Variants in ATP8A1 observed in about 807,000 individuals in gnomAD.
ATP8A1 encodes phospholipid-transporting ATPase IA.
In ATP8A1, 90 loss-of-function variants were observed where a neutral mutation model predicts 177.7. That is an observed-to-expected ratio of 0.51 (90% CI 0.43 to 0.60). ATP8A1 has a LOEUF of 0.60. Ranked by LOEUF, ATP8A1 falls within the 20% of genes least tolerant of loss-of-function variation. ATP8A1 has a pLI of 0.00. For synonymous variants in ATP8A1, 493 were observed against 485.9 expected, an observed-to-expected ratio of 1.01 and a Z score of -0.19; for missense variants, 1,072 against 1,392.8, an observed-to-expected ratio of 0.77 and a Z score of 3.67.
At chr4:42,451,418 C>T (rs1219993045) in intron 30 of ATP8A1, among the ~76,000 whole-genome samples, 1 of 152,168 alleles carries the variant, frequency 6.6e-6, no homozygotes, top group Admixed American at 6.5e-5. Flanking sequence ...GATCTCTTTT[C>T]TAAAGTAGCT....
At chr4:42,443,928 T>G (rs1358407222) in intron 32 of ATP8A1, among the ~76,000 whole-genome samples, 1 of 152,208 alleles carries the variant, frequency 6.6e-6, no homozygotes, top group African/African-American at 2.4e-5. Context: ...TTTCTCCTCT[T>G]ACGCTTACCT....
intron 27 of ATP8A1, among the ~76,000 whole-genome samples, chr4:42,462,548 T>C (rs1719286512): frequency 2.0e-5 from 3 of 152,180 alleles, no homozygotes; most frequent in South Asian, 4.1e-4. Flanking sequence ...TTTCTGAAGA[T>C]GTATGGAAAT....
intron 20 of ATP8A1, among the ~76,000 whole-genome samples, chr4:42,530,357 G>T (rs1007820175): frequency 1.3e-5 from 2 of 152,206 alleles, no homozygotes; most frequent in Non-Finnish European, 2.9e-5. Context: ...ATCATGAAAA[G>T]GGCAGAGGTT....
At chr4:42,635,396 TA>T (rs1739169709) in intron 1 of ATP8A1, among the ~76,000 whole-genome samples, 1 of 152,130 alleles carries the variant, frequency 6.6e-6, no homozygotes, top group South Asian at 2.1e-4. Context: ...TGCAATTATA[TA>T]ACCTTTCACT....
intron 23 of ATP8A1, among the ~76,000 whole-genome samples, chr4:42,504,878 C>G (rs1724213775): frequency 6.6e-6 from 1 of 152,358 alleles, no homozygotes; most frequent in East Asian, 1.9e-4. Flanking sequence ...TCTTCTGCTA[C>G]TATTCTTTCT....
chr4:42,422,338 C>G (rs776945925), intron 35 of ATP8A1, among the ~76,000 whole-genome samples: 5 of 152,146 alleles, frequency 3.3e-5, no homozygotes, highest in Admixed American at 6.5e-5. Flanking sequence ...TATCTGCCCG[C>G]CTCGGCCTCC....
chr4:42,555,352 T>G (rs1730105060), intron 16 of ATP8A1, among the ~76,000 whole-genome samples: 1 of 152,114 alleles, frequency 6.6e-6, no homozygotes. Context: ...TTTCGATAAC[T>G]TATTTCTAAA....
intron 27 of ATP8A1, among the ~76,000 whole-genome samples, chr4:42,461,549 T>C: frequency 6.6e-6 from 1 of 152,166 alleles, no homozygotes; most frequent in East Asian, 1.9e-4. Context: ...CCATCATGAT[T>C]GTGAGGCATC....
chr4:42,466,406 G>A (rs1719771365), intron 25 of ATP8A1, among the ~76,000 whole-genome samples: 1 of 152,058 alleles, frequency 6.6e-6, no homozygotes, highest in African/African-American at 2.4e-5. Context: ...CATTCCATAG[G>A]AAAAATTTTT....
chr4:42,517,945 G>A (rs1578092118), intron 22 of ATP8A1, among the ~76,000 whole-genome samples: 1 of 152,172 alleles, frequency 6.6e-6, no homozygotes, highest in East Asian at 1.9e-4. Context: ...TTCCCCAAGA[G>A]TGAAGGCAGC....
intron 27 of ATP8A1, among the ~76,000 whole-genome samples, chr4:42,456,662 A>T (rs1389639026): frequency 6.6e-6 from 1 of 152,188 alleles, no homozygotes; most frequent in African/African-American, 2.4e-5. Flanking sequence ...AAAATCAAAT[A>T]TCAAATGGAT....
chr4:42,419,714 T>G (rs1445902755), intron 35 of ATP8A1, among the ~76,000 whole-genome samples: 3 of 152,156 alleles, frequency 2.0e-5, no homozygotes, highest in Non-Finnish European at 1.5e-5. Flanking sequence ...TAAAATTTGC[T>G]AAGTTTTGGC....
At chr4:42,445,842 G>A (rs1007945085) in intron 31 of ATP8A1, among the ~76,000 whole-genome samples, 1 of 152,122 alleles carries the variant, frequency 6.6e-6, no homozygotes, top group Admixed American at 6.5e-5. Flanking sequence ...CACTTTGGGA[G>A]GCTGAGGTGG....
chr4:42,623,019 A>G (rs537050667), intron 4 of ATP8A1, among the ~76,000 whole-genome samples: 1 of 151,768 alleles, frequency 6.6e-6, no homozygotes, highest in African/African-American at 2.4e-5. Context: ...CAAAAAAAAA[A>G]AAAAAGGTGG....
At chr4:42,461,575 C>T (rs1011742762) in intron 27 of ATP8A1, among the ~76,000 whole-genome samples, 2 of 152,164 alleles carry the variant, frequency 1.3e-5, no homozygotes, top group Non-Finnish European at 2.9e-5. Context: ...CCATGTGGAA[C>T]TGTAAGTCCA....
intron 23 of ATP8A1, 66 bp downstream of exon 23, chr4:42,506,950 C>A: frequency 6.6e-7 from 1 of 1,519,958 alleles, no homozygotes; most frequent in Non-Finnish European, 9.0e-7. Flanking sequence ...GTCTCAAATC[C>A]ATCTTCTGAA....
Position 42,594,124 on chromosome 4 carries a change from A to C in ATP8A1, c.451-3240T>G, listed in dbSNP as rs116648691. Reference sequence around the variant, plus strand: ...TCACTTATTCTATATGGCAAACATGAAAAAGCCCTTTAAGTCCAATCAATT... The same window carrying C: ...TCACTTATTCTATATGGCAAACATGCAAAAGCCCTTTAAGTCCAATCAATT... On this transcript the variant is annotated intron_variant, in intron 6 of 36. Coordinates refer to ENST00000381668, the MANE Select transcript of ATP8A1 (RefSeq NM_006095.2). Among the ~76,000 whole-genome samples the C allele has an allele frequency of 4.8e-3, 735 of 152,210 alleles. 7 individuals are homozygous for C. Among genetic ancestry groups the C allele is most frequent in the African/African-American group, 0.017 (702 of 41,566 alleles).
At chr4:42,479,702 C>T (rs1037322521) in intron 25 of ATP8A1, among the ~76,000 whole-genome samples, 3 of 152,182 alleles carry the variant, frequency 2.0e-5, no homozygotes, top group African/African-American at 7.2e-5. Flanking sequence ...AGAAAAGAGT[C>T]ATCAAGAATT....
intron 1 of ATP8A1, among the ~76,000 whole-genome samples, chr4:42,645,130 T>C (rs1248218690): frequency 3.9e-5 from 6 of 152,186 alleles, no homozygotes. Context: ...CTAAATGTGT[T>C]GTACTCTTCA....
Sources: gnomAD v4.1 joint callset for allele counts (sites outside exome capture counted in the v4.1 genomes callset) on GRCh38, gnomAD v4.1.1 for gene constraint, MANE v1.5 for transcripts, NCBI Gene and HGNC (gene_info 2026-07-23, HGNC 2026-07-21) for gene names.